Variants in SNX18 observed in about 807,000 individuals in gnomAD.
SNX18 encodes the protein sorting nexin 18, also known as sorting nexin-18.
SNX18 carries 35 observed loss-of-function variants against 48.7 expected under a neutral mutation model. The observed-to-expected ratio is 0.72, with a 90% confidence interval of 0.55 to 0.95. The LOEUF (loss-of-function observed/expected upper bound fraction) is 0.95, where lower values mean the gene tolerates loss of function less well. SNX18 is among the 40% of genes least tolerant of loss of function. The pLI, the probability that SNX18 is intolerant of heterozygous loss-of-function variation, is 0.00. For missense variants in SNX18, 824 were observed against 871.0 expected (o/e 0.95, Z 0.68); for synonymous variants, 492 against 384.7 (o/e 1.28, Z -3.26).
chr5:54,614,575 G>A, the SNX18 span, among the ~76,000 whole-genome samples: 13 of 152,148 alleles, frequency 8.5e-5, no homozygotes, highest in African/African-American at 3.1e-4. Flanking sequence ...GGGAGGCTGA[G>A]ACAGGTAAAT....
chr5:54,528,950 C>T (rs572784179), intron 1 of SNX18, among the ~76,000 whole-genome samples: 1 of 152,306 alleles, frequency 6.6e-6, no homozygotes, highest in Admixed American at 6.5e-5. Flanking sequence ...GCTGCCTAGA[C>T]ATTGGTGTTC....
chr5:54,633,755 TGA>T, the SNX18 span, among the ~76,000 whole-genome samples: 3 of 152,220 alleles, frequency 2.0e-5, no homozygotes, highest in Admixed American at 6.5e-5. Flanking sequence ...TCCAGCTTAG[TGA>T]GAGCTTAATG....
rs779075343 is a variant in SNX18 at position 54,518,557 on chromosome 5, C to T, written c.605C>T (p.Ser202Phe). ...CGCCTGTCCACGCGCTCCGACCTGT[C>T]CCTGGGTTCCCGCGGCGGCTCGGTC... ...RYRLSTRSDLSLGSRGGSVPP... is the reference protein window; with the variant it reads ...RYRLSTRSDLFLGSRGGSVPP... The change falls in exon 1 of 2, where the codon TCC becomes TTC. Residue 202 changes from serine (S) to phenylalanine (F), a missense_variant. Around this residue, in one of 3 missense-constraint regions of SNX18, gnomAD observed 377 missense variants for 350.6 expected, o/e 1.08. Transcript: ENST00000381410. 5 of 1,587,530 alleles carry T rather than the reference C, an allele frequency of 3.1e-6. No homozygotes were observed. Among genetic ancestry groups the T allele is most frequent in the Non-Finnish European group, 4.3e-6 (5 of 1,167,932 alleles).
downstream of SNX18, among the ~76,000 whole-genome samples, chr5:54,547,720 C>T (rs1279809926): frequency 6.6e-6 from 1 of 152,168 alleles, no homozygotes; most frequent in Non-Finnish European, 1.5e-5. Context: ...GAGAAAGGGT[C>T]CAAAACTGAC....
chr5:54,518,887 G>A lies in SNX18; in HGVS notation c.935G>A (p.Arg312His). ...CACACGCAGGTGCCGGTGCATCGGC[G>A]CTACAAGCACTTCGACTGGCTGTAC... ...PTHTQVPVHR[R>H]YKHFDWLYAR... The change falls in exon 1 of 2, where the codon CGC (arginine) becomes CAC (histidine). Residue 312 changes from arginine (R) to histidine (H), a missense_variant. This residue lies in a region of SNX18 where 443 missense variants were observed against 503.6 expected (regional missense o/e 0.88). Coordinates refer to ENST00000381410, the MANE Select transcript of SNX18 (RefSeq NM_001102575.2). 1 of 1,613,902 alleles carries A rather than the reference G, an allele frequency of 6.2e-7. No individual in the cohort carries two copies. Among genetic ancestry groups the A allele is most frequent in the Non-Finnish European group, 8.5e-7 (1 of 1,179,936 alleles).
the SNX18 span, among the ~76,000 whole-genome samples, chr5:54,591,292 A>T: frequency 6.6e-6 from 1 of 151,806 alleles, no homozygotes; most frequent in African/African-American, 2.4e-5. Flanking sequence ...CAATCTTCCC[A>T]CCTCAGCCCC....
chr5:54,632,992 C>T, the SNX18 span, among the ~76,000 whole-genome samples: 2 of 151,954 alleles, frequency 1.3e-5, no homozygotes, highest in Non-Finnish European at 2.9e-5. Flanking sequence ...CCAGGATGGT[C>T]TCGATCTCTT....
In SNX18 at chr5:54,517,928, G is replaced by T; in HGVS notation, c.-25G>T. ...CTCGGCTCGGGACGCCGGGAGTCGG[G>T]ACCGCCAGTCGGGGCGCCGGGACCA... On this transcript the variant is annotated 5_prime_UTR_variant, in exon 1 of 2. Transcript: ENST00000381410. 1.3e-6 allele frequency: 2 copies of T among 1,490,476 alleles called. No individual in the cohort carries two copies. The highest frequency in any genetic ancestry group is 1.3e-5 in the South Asian group (1 of 79,418). 92.3% of individuals were successfully genotyped at this position (1,490,476 alleles called of 1,614,324 possible).
chr5:54,642,289 T>G, the SNX18 span, among the ~76,000 whole-genome samples: 1 of 152,230 alleles, frequency 6.6e-6, no homozygotes, highest in African/African-American at 2.4e-5. Context: ...GATTGCTGTT[T>G]TTGTATATTA....
At chr5:54,620,333 G>C in the SNX18 span, among the ~76,000 whole-genome samples, 4 of 152,172 alleles carry the variant, frequency 2.6e-5, no homozygotes, top group Non-Finnish European at 5.9e-5. Context: ...CCTGGAAGGA[G>C]AGTCACATAG....
the SNX18 span, among the ~76,000 whole-genome samples, chr5:54,556,404 C>T: frequency 6.6e-6 from 1 of 152,146 alleles, no homozygotes; most frequent in African/African-American, 2.4e-5. Context: ...CTCATGGCTC[C>T]CCTCCATCTT....
the SNX18 span, among the ~76,000 whole-genome samples, chr5:54,617,396 A>G: frequency 6.6e-6 from 1 of 152,172 alleles, no homozygotes; most frequent in Admixed American, 6.5e-5. Context: ...TTACTACTCT[A>G]TAGAAAATAT....
At chr5:54,633,992 T>C in the SNX18 span, among the ~76,000 whole-genome samples, 1 of 152,216 alleles carries the variant, frequency 6.6e-6, no homozygotes, top group Non-Finnish European at 1.5e-5. Flanking sequence ...TCCTTTCTGC[T>C]TTGCTTTCAT....
At chr5:54,616,790 C>T in the SNX18 span, among the ~76,000 whole-genome samples, 51 of 151,992 alleles carry the variant, frequency 3.4e-4, no homozygotes, top group African/African-American at 1.2e-3. Context: ...AAAAAATGTG[C>T]ATCTTAGAAT....
At chr5:54,606,162 C>T in the SNX18 span, among the ~76,000 whole-genome samples, 1 of 152,112 alleles carries the variant, frequency 6.6e-6, no homozygotes, top group African/African-American at 2.4e-5. Flanking sequence ...TGGATGGCTG[C>T]CTGTGGCTAC....
chr5:54,519,937 C>G, intron 1 of SNX18: 1 of 955,320 alleles, frequency 1.0e-6, no homozygotes, highest in Non-Finnish European at 1.6e-6. Context: ...TCTGTTTGAA[C>G]ACTGCACTGT....
intron 1 of SNX18, among the ~76,000 whole-genome samples, chr5:54,523,032 T>C (rs1017352237): frequency 3.9e-5 from 6 of 152,168 alleles, no homozygotes; most frequent in African/African-American, 9.7e-5. Context: ...TCAGAATCTA[T>C]TGGAATTTTA....
the SNX18 span, among the ~76,000 whole-genome samples, chr5:54,591,005 C>A: frequency 2.6e-5 from 4 of 151,992 alleles, no homozygotes; most frequent in African/African-American, 9.7e-5. Context: ...TCCTCCCCAT[C>A]CCCCCTCACT....
chr5:54,531,124 G>A (rs1454737248), intron 1 of SNX18, among the ~76,000 whole-genome samples: 1 of 151,994 alleles, frequency 6.6e-6, no homozygotes, highest in African/African-American at 2.4e-5. Context: ...CCTGAGGCAG[G>A]GCTTTTGGAA....
Sources: allele counts gnomAD v4.1 joint callset (sites outside exome capture counted in the v4.1 genomes callset), GRCh38; gene constraint gnomAD v4.1.1; regional missense constraint gnomAD v4.1.1; transcripts MANE v1.5; gene names NCBI Gene and HGNC (gene_info 2026-07-23, HGNC 2026-07-21).